Variants in CCDC158 observed in about 807,000 individuals in gnomAD.
CCDC158 encodes coiled-coil domain containing 158, also known as coiled-coil domain-containing protein 158.
CCDC158 carries 116 observed loss-of-function variants against 138.6 expected under a neutral mutation model. The observed-to-expected ratio is 0.84, with a 90% CI of 0.72 to 0.98. CCDC158 has a LOEUF of 0.98. Among genes scored for constraint, CCDC158 ranks in the 50% least tolerant of loss-of-function variants. The probability of loss-of-function intolerance (pLI) is 0.00; values close to 1 mark genes in which losing one functional copy is unlikely to be tolerated. For synonymous variants in CCDC158, 436 were observed against 442.4 expected, an observed-to-expected ratio of 0.99 and a Z score of 0.18; for missense variants, 1,265 against 1,306.1, an observed-to-expected ratio of 0.97 and a Z score of 0.48.
intron 6 of CCDC158, 131 bp from the exon 7 acceptor site, chr4:76,383,869 C>G: frequency 5.5e-6 from 4 of 722,814 alleles, no homozygotes; most frequent in Non-Finnish European, 7.0e-6. Context: ...ATTCTATCCC[C>G]ATATTTTATT....
In CCDC158 at chr4:76,323,172, T is replaced by C. The variant is rs1578860851; in HGVS notation, c.3277+130A>G. 5 of 635,532 alleles carry C rather than the reference T, an allele frequency of 7.9e-6. No individual in the cohort carries two copies. In the East Asian group the frequency reaches 1.4e-4, roughly 17 times the overall value. The allele number at this position is 635,532 out of a possible 1,614,324, so 39.4% of individuals were successfully genotyped here. On this transcript the variant is annotated intron_variant, in intron 24 of 24. Transcript: ENST00000682701. ...GGGCTATTAATGGTTAAGACCCTTA[T>C]ATTTAGACTTCAGTTTACAGTTGTT...
intron 22 of CCDC158, among the ~76,000 whole-genome samples, chr4:76,326,457 C>T (rs907875170): frequency 2.0e-4 from 30 of 151,902 alleles, no homozygotes; most frequent in African/African-American, 3.1e-4. Flanking sequence ...ATATAAATAA[C>T]GACATAGATC....
In CCDC158 at chr4:76,403,137, C is replaced by T. The variant is rs777677767; in HGVS notation, c.70+1G>A. 8 of 1,597,630 alleles carry T rather than the reference C, an allele frequency of 5.0e-6. No individual in the cohort carries two copies. The highest frequency in any genetic ancestry group is 6.0e-6 in the Non-Finnish European group (7 of 1,169,828). On this transcript the variant is annotated splice_donor_variant, in intron 3 of 24. Coordinates refer to ENST00000682701, the MANE Select transcript of CCDC158 (RefSeq NM_001394954.1). LOFTEE classifies it high-confidence loss of function. ...CATTTTGTTTTATAAACAGCACATA[C>T]CTCCATTAGATGTGACACCACTACT...
At chr4:76,322,668 A>G (rs1006232736) in intron 24 of CCDC158, among the ~76,000 whole-genome samples, 1 of 152,242 alleles carries the variant, frequency 6.6e-6, no homozygotes, top group South Asian at 2.1e-4. Flanking sequence ...TTTCTCTCTG[A>G]TAAAGGCTCC....
chr4:76,345,277 A>T (rs1232089845), intron 18 of CCDC158: 5 of 955,416 alleles, frequency 5.2e-6, no homozygotes. Context: ...TACATGCTCA[A>T]CATCGAAGCT....
At chr4:76,414,394 G>A (rs1391139767) in intron 1 of CCDC158, 1 of 152,026 alleles carries the variant, frequency 6.6e-6, no homozygotes, top group Non-Finnish European at 1.5e-5. Context: ...GACCAATCAA[G>A]TTTCCACCCT....
At chr4:76,398,592 G>A (rs762533413) in intron 3 of CCDC158, among the ~76,000 whole-genome samples, 23 of 148,948 alleles carry the variant, frequency 1.5e-4, no homozygotes, top group African/African-American at 2.5e-4. Flanking sequence ...ATTTGAACCC[G>A]GAAAGCAGAG....
chr4:76,359,208 C>T (rs1723885742), intron 13 of CCDC158, among the ~76,000 whole-genome samples: 1 of 152,156 alleles, frequency 6.6e-6, no homozygotes, highest in Non-Finnish European at 1.5e-5. Flanking sequence ...TCCTGTGCAG[C>T]CTGCAGAACT....
At position 76,367,356 on chromosome 4, in the gene CCDC158, C is replaced by T; in HGVS notation, c.1768G>A (p.Val590Ile). ...TCTTTCTCCAGTTGAGCTTTTTCTA[C>T]TTGCATAGCTCCAGCAGTTCGTCCA... ...QHGRTAGAMQ[V>I]EKAQLEKEIN... is the part of the protein sequence containing the mutation. Residue 590 changes from valine (V) to isoleucine (I), a missense_variant, in exon 12 of 25, where the codon GTA becomes ATA. Physicochemically the swap from Val to Ile is conservative, Grantham distance 29. Coordinates refer to ENST00000682701, the MANE Select transcript of CCDC158 (RefSeq NM_001394954.1). The T allele has an allele frequency of 6.2e-7, 1 of 1,614,126 alleles. No individual in the cohort carries two copies. Among genetic ancestry groups the T allele is most frequent in the Non-Finnish European group, 8.5e-7 (1 of 1,179,964 alleles).
At position 76,353,181 on chromosome 4, in the gene CCDC158, C is replaced by T. The variant is rs369495870; in HGVS notation, c.2387G>A (p.Arg796Gln). 6 of 1,613,788 alleles carry T rather than the reference C, an allele frequency of 3.7e-6. No homozygotes were observed. The highest frequency in any genetic ancestry group is 2.7e-5 in the African/African-American group (2 of 74,918). ...TTCTTTCAAACGGCGTTCCTGAGATCGCAGAACTTCCAACTCCCCAGCCAT... is the reference window on the plus strand; with the variant it reads ...TTCTTTCAAACGGCGTTCCTGAGATTGCAGAACTTCCAACTCCCCAGCCAT... ...NKMAGELEVL[R>Q]SQERRLKEKV... is the part of the protein sequence containing the mutation. Residue 796 changes from arginine to glutamine, a missense_variant, in exon 16 of 25, where the codon CGA (arginine) becomes CAA (glutamine). Coordinates refer to ENST00000682701, the MANE Select transcript of CCDC158 (RefSeq NM_001394954.1).
intron 4 of CCDC158, among the ~76,000 whole-genome samples, chr4:76,391,052 C>T (rs949276260): frequency 2.2e-4 from 33 of 152,174 alleles, no homozygotes; most frequent in African/African-American, 7.5e-4. Flanking sequence ...CAACACCCCA[C>T]TTTCAGGACT....
intron 4 of CCDC158, among the ~76,000 whole-genome samples, chr4:76,386,300 A>G (rs1024579540): frequency 2.6e-5 from 4 of 152,246 alleles, no homozygotes; most frequent in African/African-American, 9.6e-5. Context: ...TGAGGCAGGA[A>G]AATAGGGTCT....
At chr4:76,351,907 A>T in intron 16 of CCDC158, 95 bp from the exon 17 acceptor site, 1 of 722,588 alleles carries the variant, frequency 1.4e-6, no homozygotes, top group South Asian at 1.7e-5. Flanking sequence ...CTCTTCAAAA[A>T]ATCTTCCTGC....
chr4:76,395,302 T>TG (rs2109828427), intron 4 of CCDC158, among the ~76,000 whole-genome samples: 1 of 152,334 alleles, frequency 6.6e-6, no homozygotes, highest in Non-Finnish European at 1.5e-5. Context: ...TTTGTATCCC[T>TG]GTGCATACTG....
At chr4:76,387,117 T>C (rs1236586167) in intron 4 of CCDC158, among the ~76,000 whole-genome samples, 1 of 152,098 alleles carries the variant, frequency 6.6e-6, no homozygotes, top group Non-Finnish European at 1.5e-5. Context: ...GCTTGCACCA[T>C]CCCTTTCCCA....
chr4:76,385,778 T>C (rs942486150), intron 4 of CCDC158, among the ~76,000 whole-genome samples: 2 of 152,028 alleles, frequency 1.3e-5, no homozygotes, highest in African/African-American at 4.8e-5. Context: ...ACTGAGTCCC[T>C]AGCAAGGTGA....
chr4:76,369,308 T>C, intron 11 of CCDC158, 118 bp downstream of exon 11: 1 of 834,414 alleles, frequency 1.2e-6, no homozygotes, highest in Non-Finnish European at 1.7e-6. Flanking sequence ...CATAGCTTTA[T>C]TTTAGGAGCC....
intron 14 of CCDC158, among the ~76,000 whole-genome samples, chr4:76,355,792 T>C (rs1044308108): frequency 4.0e-5 from 4 of 99,672 alleles, no homozygotes; most frequent in African/African-American, 1.4e-4. Flanking sequence ...ATATATAATA[T>C]ATGTACGTGT....
chr4:76,381,469 G>T lies in CCDC158; in HGVS notation c.914+1141C>A, dbSNP rs148392777. On this transcript the variant is annotated intron_variant, in intron 8 of 24. Transcript: ENST00000682701. ...ATTTTGGACTTGCATGGGGCCTGCA[G>T]CCCCTTTGTTTTGGCCTATTTTTCC... is the stretch of plus-strand genomic sequence containing the variant. Among the ~76,000 whole-genome samples the T allele has an allele frequency of 2.3e-3, 343 of 152,336 alleles. 10 individuals are homozygous for T. In the East Asian group the frequency reaches 0.057, roughly 25 times the overall value.
Sources: allele counts gnomAD v4.1 joint callset (sites outside exome capture counted in the v4.1 genomes callset), GRCh38; gene constraint gnomAD v4.1.1; transcripts MANE v1.5; gene names NCBI Gene and HGNC (gene_info 2026-07-23, HGNC 2026-07-21).